ABCA13: variants seen among roughly 807,000 people sequenced by gnomAD.
The protein encoded by ABCA13 is ATP binding cassette subfamily A member 13.
In ABCA13, 476 loss-of-function variants were observed where a neutral mutation model predicts 478.7. That is an observed-to-expected ratio of 0.99 (90% CI 0.92 to 1.07). ABCA13 has a LOEUF of 1.07. Among genes scored for constraint, ABCA13 ranks in the 50% least tolerant of loss-of-function variants. ABCA13 has a pLI of 0.00. For missense variants in ABCA13, 6,060 were observed against 5,910.6 expected (o/e 1.03, Z -0.83); for synonymous variants, 2,252 against 2,158.9 (o/e 1.04, Z -1.20).
Position 48,297,292 on chromosome 7 carries a change from C to G in ABCA13, c.9180C>G (p.Ser3060Arg). The change falls in exon 22 of 62, where the codon AGC becomes AGG. Residue 3060 changes from serine to arginine, a missense_variant. By Grantham distance (110) the Ser-to-Arg change is moderately radical (BLOSUM62 -1). Around this residue, in one of 3 missense-constraint regions of ABCA13, gnomAD observed 4,423 missense variants for 4,309.1 expected, o/e 1.03. Coordinates refer to ENST00000435803, the MANE Select transcript of ABCA13 (RefSeq NM_152701.5). ...GGAATCCCATCATGACTTTTCTCAG[C>G]AATTTCACAGTAACTGAGGGTAAGT... ...SSGNPIMTFL[S>R]NFTVTEDVKI... 6.2e-7 allele frequency: 1 copy of G among 1,608,572 alleles called. No homozygotes were observed. Among genetic ancestry groups the G allele is most frequent in the Non-Finnish European group, 8.5e-7 (1 of 1,177,386 alleles).
intron 26 of ABCA13, among the ~76,000 whole-genome samples, chr7:48,314,899 A>G (rs947602831): frequency 3.9e-5 from 6 of 152,250 alleles, no homozygotes; most frequent in Non-Finnish European, 7.3e-5. Context: ...GTACAAATGA[A>G]TATGTCACGA....
At chr7:48,388,940 T>C in intron 36 of ABCA13, 100 bp from the exon 37 acceptor site, 2 of 1,369,336 alleles carry the variant, frequency 1.5e-6, no homozygotes, top group Non-Finnish European at 2.0e-6. Context: ...TTCACAGAGC[T>C]GGAATTCAAT....
At chr7:48,240,716 A>G (rs527401030) in intron 9 of ABCA13, 151 bp from the exon 10 acceptor site, 1 of 546,206 alleles carries the variant, frequency 1.8e-6, no homozygotes, top group Non-Finnish European at 2.9e-6. Flanking sequence ...AAATTAAATC[A>G]TACTGCAATT....
intron 61 of ABCA13, 36 bp from the exon 62 acceptor site, chr7:48,645,378 ATTC>A (rs944056436): frequency 6.8e-6 from 10 of 1,475,210 alleles, no homozygotes; most frequent in Non-Finnish European, 8.3e-6. Context: ...AAAGGGTTGT[ATTC>A]TTATAAGTAA....
At chr7:48,497,935 G>A (rs1474855220) in intron 48 of ABCA13, among the ~76,000 whole-genome samples, 3 of 152,168 alleles carry the variant, frequency 2.0e-5, no homozygotes, top group Admixed American at 6.5e-5. Context: ...TGGAACCAGG[G>A]TACTGAGTAG....
intron 15 of ABCA13, among the ~76,000 whole-genome samples, chr7:48,261,833 G>A (rs986133392): frequency 3.3e-5 from 5 of 151,678 alleles, no homozygotes; most frequent in African/African-American, 1.2e-4. Context: ...ATTCTAGGCT[G>A]TTCATTCATA....
chr7:48,464,267 G>T (rs1244739017), intron 43 of ABCA13, among the ~76,000 whole-genome samples: 2 of 152,178 alleles, frequency 1.3e-5, no homozygotes, highest in African/African-American at 4.8e-5. Context: ...ACTTTTAAAA[G>T]AAGCTTGCAT....
At chr7:48,221,378 T>G (rs1787341032) in intron 5 of ABCA13, 69 bp downstream of exon 5, 4 of 763,380 alleles carry the variant, frequency 5.2e-6, no homozygotes, top group Non-Finnish European at 8.1e-6. Flanking sequence ...CAACACTGTT[T>G]TTAAGTTTAC....
intron 55 of ABCA13, among the ~76,000 whole-genome samples, chr7:48,548,177 G>A (rs138813080): frequency 1.2e-4 from 18 of 151,854 alleles, no homozygotes; most frequent in Middle Eastern, 3.4e-3. Context: ...AGTTTTCACT[G>A]GAAAATATTG....
rs113539467 is a variant in ABCA13, at chr7:48,412,913, G to T, written c.12459+330G>T. ...TGCAAGCTCTGCCTCCCGGGTTCAC[G>T]CCAGTCTCCTGCCTCAGCCTCCTGA... On this transcript the variant is annotated intron_variant, in intron 41 of 61. Coordinates refer to ENST00000435803, the MANE Select transcript of ABCA13 (RefSeq NM_152701.5). Among the ~76,000 whole-genome samples, 3 of 150,684 alleles carry T rather than the reference G, an allele frequency of 2.0e-5. No homozygotes were observed. In the South Asian group the frequency reaches 6.3e-4, roughly 32 times the overall value.
chr7:48,259,707 T>C (rs1276715172), intron 15 of ABCA13, among the ~76,000 whole-genome samples: 2 of 128,266 alleles, frequency 1.6e-5, no homozygotes, highest in African/African-American at 6.7e-5. Flanking sequence ...GTTAATGATC[T>C]ATATACTTAA....
intron 15 of ABCA13, among the ~76,000 whole-genome samples, chr7:48,251,011 A>G (rs1792471622): frequency 6.6e-6 from 1 of 152,150 alleles, no homozygotes; most frequent in South Asian, 2.1e-4. Context: ...TTAAACTGCT[A>G]CTTTTAGAGG....
Position 48,198,296 on chromosome 7 carries a change from C to T in ABCA13, c.223C>T (p.Leu75Phe). Residue 75 changes from leucine to phenylalanine, a missense_variant, in exon 3 of 62, where the codon CTT becomes TTT. By Grantham distance (22) the Leu-to-Phe change is conservative. Around this residue, in one of 3 missense-constraint regions of ABCA13, gnomAD observed 4,423 missense variants for 4,309.1 expected, o/e 1.03. Transcript: ENST00000435803. ...TGTTATCCCCTTTGTTCAAAGCCTT[C>T]TTTGTAACACTGGATCAAGGTGTAG... ...CGVIPFVQSL[L>F]CNTGSRCRNF... is the part of the protein sequence containing the mutation. 1 of 1,613,710 alleles carries T rather than the reference C, an allele frequency of 6.2e-7. No homozygotes were observed.
chr7:48,452,502 G>T (rs183222860), intron 42 of ABCA13, among the ~76,000 whole-genome samples: 220 of 152,252 alleles, frequency 1.4e-3, no homozygotes, highest in African/African-American at 5.0e-3. Flanking sequence ...AGAGCTAATT[G>T]CTAAGTAGAT....
At chr7:48,304,415 G>A (rs1175904053) in intron 23 of ABCA13, among the ~76,000 whole-genome samples, 1 of 152,146 alleles carries the variant, frequency 6.6e-6, no homozygotes, top group Admixed American at 6.6e-5. Flanking sequence ...TTCTGCAGTG[G>A]CTGAACTAAT....
chr7:48,187,083 CA>C (rs984845466), intron 1 of ABCA13, among the ~76,000 whole-genome samples: 4 of 149,460 alleles, frequency 2.7e-5, no homozygotes, highest in African/African-American at 9.8e-5. Context: ...ATATATATCA[CA>C]AATATATATA....
In ABCA13 at chr7:48,352,629, G is replaced by A. The variant is rs543856046; in HGVS notation, c.10688+142G>A. 1.7e-4 allele frequency: 163 copies of A among 969,414 alleles called. 1 individual carries two copies. Among genetic ancestry groups the A allele is most frequent in the Middle Eastern group, 6.6e-4 (2 of 3,026 alleles). 60.1% of individuals were successfully genotyped at this position (969,414 alleles called of 1,614,324 possible). A position where few individuals can be genotyped will look rare whatever the true frequency, so the allele number is the denominator to read the frequency against. On this transcript the variant is annotated intron_variant, in intron 31 of 61. Coordinates refer to ENST00000435803, the MANE Select transcript of ABCA13 (RefSeq NM_152701.5). The stretch of plus-strand genomic sequence containing the variant: ...ACCCCCCACTTTTTAATTTCGTAAG[G>A]TTCATTTTTTTTATATGCTTGTACT...
At chr7:48,376,613 A>T (rs1813525699) in intron 35 of ABCA13, 41 bp downstream of exon 35, 1 of 1,597,212 alleles carries the variant, frequency 6.3e-7, no homozygotes, top group African/African-American at 1.3e-5. Context: ...AATAAATTTT[A>T]AAAACAGTTT....
Position 48,643,404 on chromosome 7 carries a change from T to C in ABCA13, c.14943+11T>C, listed in dbSNP as rs772263650. The C allele has an allele frequency of 1.9e-6, 3 of 1,570,952 alleles. No homozygotes were observed. The highest frequency in any genetic ancestry group is 4.5e-5 in the East Asian group (2 of 44,640). ...GGAATTCAGTTCAAGGTAGTGCTAA[T>C]ATCTTGTATTATTTCTTTGTTTTCA... On this transcript the variant is annotated intron_variant, in intron 60 of 61. Transcript: ENST00000435803.
Sources: allele counts gnomAD v4.1 joint callset (sites outside exome capture counted in the v4.1 genomes callset), GRCh38; gene constraint gnomAD v4.1.1; regional missense constraint gnomAD v4.1.1; transcripts MANE v1.5; gene names NCBI Gene and HGNC (gene_info 2026-07-23, HGNC 2026-07-21).